AP1S3: variants seen among roughly 807,000 people sequenced by gnomAD.
AP1S3 encodes the protein AP-1 complex subunit sigma-3.
A neutral mutation model predicts 20.9 loss-of-function variants in AP1S3; 10 were observed. The observed-to-expected ratio is 0.48, with a 90% CI of 0.29 to 0.81. The LOEUF is 0.81. Among genes scored for constraint, AP1S3 ranks in the 30% least tolerant of loss-of-function variants. The pLI is 0.08. For synonymous variants in AP1S3, 41 were observed against 61.5 expected, an observed-to-expected ratio of 0.67 and a Z score of 1.56; for missense variants, 154 against 183.8, an observed-to-expected ratio of 0.84 and a Z score of 0.94.
At chr2:223,759,448 G>A (rs555728600) in intron 4 of AP1S3, among the ~76,000 whole-genome samples, 20 of 152,234 alleles carry the variant, frequency 1.3e-4, no homozygotes, top group East Asian at 9.7e-4. Flanking sequence ...CATATGTATC[G>A]TTACCTATAT....
chr2:223,755,981 C>T lies in AP1S3; in HGVS notation c.*2734G>A. On this transcript the variant is annotated 3_prime_UTR_variant, in exon 5 of 5. Transcript: ENST00000396654. Reference sequence around the variant, plus strand: ...TTTATCCAAATATGGTGACAAATTTCAAAAGAACCGGAAAAACTATGATGG... The same window carrying T: ...TTTATCCAAATATGGTGACAAATTTTAAAAGAACCGGAAAAACTATGATGG... 1 of 985,404 alleles carries T rather than the reference C, an allele frequency of 1.0e-6. No individual in the cohort carries two copies. The highest frequency in any genetic ancestry group is 1.2e-6 in the Non-Finnish European group (1 of 829,936). 61.0% of individuals were successfully genotyped at this position (985,404 alleles called of 1,614,324 possible).
chr2:223,769,998 C>T (rs1156906951), intron 3 of AP1S3, among the ~76,000 whole-genome samples: 1 of 152,096 alleles, frequency 6.6e-6, no homozygotes, highest in Non-Finnish European at 1.5e-5. Flanking sequence ...CCCGCCTCGG[C>T]CTCCCAAAGT....
chr2:223,789,376 C>CA (rs368458501), intron 1 of AP1S3, among the ~76,000 whole-genome samples: 5 of 151,738 alleles, frequency 3.3e-5, no homozygotes, highest in African/African-American at 1.2e-4. Flanking sequence ...GGACCCCCCC[C>CA]AAAAAAATAG....
At chr2:223,789,613 G>T (rs1691163188) in intron 1 of AP1S3, among the ~76,000 whole-genome samples, 1 of 151,576 alleles carries the variant, frequency 6.6e-6, no homozygotes, top group Non-Finnish European at 1.5e-5. Flanking sequence ...GCCAAGGTGG[G>T]TGGATCACTC....
rs372832723 is a variant in AP1S3, at chr2:223,790,831, G to A, written c.4-12962C>T. 8.5e-5 allele frequency among the ~76,000 whole-genome samples: 13 copies of A among 152,178 alleles called. No homozygotes were observed. In the East Asian group the frequency reaches 2.5e-3, roughly 29 times the overall value. ...AAATAATCACAACCAGAAATGATAAGAGGGATATCATCACTGACCCCACAG... is the reference window on the plus strand; with the variant it reads ...AAATAATCACAACCAGAAATGATAAAAGGGATATCATCACTGACCCCACAG... On this transcript the variant is annotated intron_variant, in intron 1 of 4. Transcript: ENST00000396654.
intron 1 of AP1S3, among the ~76,000 whole-genome samples, chr2:223,835,935 G>C (rs1692385034): frequency 6.6e-6 from 1 of 152,188 alleles, no homozygotes; most frequent in Admixed American, 6.5e-5. Flanking sequence ...CTGTCACCTT[G>C]TTCCTTGGGA....
chr2:223,822,926 A>T (rs769028603), intron 1 of AP1S3, among the ~76,000 whole-genome samples: 4 of 152,104 alleles, frequency 2.6e-5, no homozygotes, highest in Admixed American at 6.6e-5. Flanking sequence ...ATGGGCAAAG[A>T]ACCTACATAG....
chr2:223,758,930 C>T (rs746342806), intron 4 of AP1S3, among the ~76,000 whole-genome samples, 180 bp from the exon 5 acceptor site: 11 of 152,110 alleles, frequency 7.2e-5, no homozygotes, highest in Non-Finnish European at 1.5e-4. Context: ...TATACACATC[C>T]ATATGGGGCT....
chr2:223,770,211 G>T, intron 3 of AP1S3: 3 of 1,550,816 alleles, frequency 1.9e-6, no homozygotes, highest in Non-Finnish European at 2.6e-6. Context: ...GGTCAGAAAA[G>T]GCAGAAGTCA....
At chr2:223,768,523 C>CA (rs1396323953) in intron 3 of AP1S3, among the ~76,000 whole-genome samples, 1 of 152,006 alleles carries the variant, frequency 6.6e-6, no homozygotes, top group East Asian at 1.9e-4. Context: ...TTGTAAGACA[C>CA]AAAAAATGCT....
chr2:223,821,361 T>A (rs1691982934), intron 1 of AP1S3, among the ~76,000 whole-genome samples: 1 of 152,142 alleles, frequency 6.6e-6, no homozygotes, highest in Non-Finnish European at 1.5e-5. Flanking sequence ...TTCACTATGT[T>A]GGCCAGGCTG....
intron 1 of AP1S3, among the ~76,000 whole-genome samples, chr2:223,803,458 A>G (rs1691512236): frequency 6.6e-6 from 1 of 152,186 alleles, no homozygotes; most frequent in African/African-American, 2.4e-5. Flanking sequence ...TCCTAACAGC[A>G]TGGCACTTAG....
chr2:223,809,367 G>A (rs1440638952), intron 1 of AP1S3, among the ~76,000 whole-genome samples: 9 of 152,106 alleles, frequency 5.9e-5, no homozygotes, highest in Non-Finnish European at 1.0e-4. Context: ...ACTTCTGGCT[G>A]GGCATGGTGG....
chr2:223,831,452 G>C (rs1455858068), intron 1 of AP1S3, among the ~76,000 whole-genome samples: 1 of 152,200 alleles, frequency 6.6e-6, no homozygotes, highest in South Asian at 2.1e-4. Context: ...CATTTCCTTA[G>C]TCAGGGTGCT....
At chr2:223,801,115 C>T (rs1047102691) in intron 1 of AP1S3, among the ~76,000 whole-genome samples, 7 of 152,132 alleles carry the variant, frequency 4.6e-5, no homozygotes, top group Admixed American at 3.3e-4. Flanking sequence ...GTATAACAGT[C>T]GATGGTTGAC....
At position 223,755,951 on chromosome 2, in the gene AP1S3, A is replaced by T. The variant is rs1377211510; in HGVS notation, c.*2764T>A. On this transcript the variant is annotated 3_prime_UTR_variant, in exon 5 of 5. Coordinates refer to ENST00000396654, the MANE Select transcript of AP1S3 (RefSeq NM_001039569.2). The stretch of plus-strand genomic sequence containing the variant: ...AGTATATTTGAATGAGGTTCAAGAG[A>T]TACCTTTATCCAAATATGGTGACAA... The T allele has an allele frequency of 2.4e-5, 24 of 985,368 alleles. No homozygotes were observed. The highest frequency in any genetic ancestry group is 2.8e-5 in the Non-Finnish European group (23 of 829,944). The allele number at this position is 985,368 out of a possible 1,614,324, so 61.0% of individuals were successfully genotyped here. A position where few individuals can be genotyped will look rare whatever the true frequency, so the allele number is the denominator to read the frequency against.
rs186352311 is a variant in AP1S3 at position 223,763,419 on chromosome 2, C to A, written c.429+1794G>T. Among the ~76,000 whole-genome samples the A allele has an allele frequency of 2.6e-5, 4 of 152,248 alleles. No homozygotes were observed. The South Asian group carries it at 6.2e-4, about 24-fold the overall frequency. ...CAATTCAGCTTTAATTACTGAAGTG[C>A]CAAAGACTCCGTTAAAAACTCTGTT... On this transcript the variant is annotated intron_variant, in intron 4 of 4. Coordinates refer to ENST00000396654, the MANE Select transcript of AP1S3 (RefSeq NM_001039569.2).
chr2:223,776,930 G>C (rs1268507651), intron 2 of AP1S3, among the ~76,000 whole-genome samples: 2 of 152,158 alleles, frequency 1.3e-5, no homozygotes, highest in East Asian at 1.9e-4. Context: ...GGCATAATAA[G>C]AGCTGCCCCA....
chr2:223,767,394 C>T (rs1239748859), intron 3 of AP1S3, among the ~76,000 whole-genome samples: 3 of 152,064 alleles, frequency 2.0e-5, no homozygotes, highest in Non-Finnish European at 2.9e-5. Flanking sequence ...ATTTATCTCC[C>T]TCCTACCCTG....
Sources: allele counts gnomAD v4.1 joint callset (sites outside exome capture counted in the v4.1 genomes callset), GRCh38; gene constraint gnomAD v4.1.1; transcripts MANE v1.5; gene names NCBI Gene and HGNC (gene_info 2026-07-23, HGNC 2026-07-21).